CRYZ: variants seen among roughly 807,000 people sequenced by gnomAD.
The protein encoded by CRYZ is zeta-crystallin.
CRYZ carries 35 observed loss-of-function variants against 34.1 expected under a neutral mutation model. That is an observed-to-expected ratio of 1.03 (90% CI 0.78 to 1.36). The LOEUF (loss-of-function observed/expected upper bound fraction) is 1.36, where lower values mean the gene tolerates loss of function less well. Ranked by LOEUF, CRYZ falls within the 40% of genes most tolerant of loss-of-function variation. The pLI, the probability that CRYZ is intolerant of heterozygous loss-of-function variation, is 0.00. For missense variants in CRYZ, 403 were observed against 391.8 expected (o/e 1.03, Z -0.24); for synonymous variants, 137 against 136.5 (o/e 1.00, Z -0.03).
chr1:74,722,605 T>C (rs972577019), intron 3 of CRYZ, among the ~76,000 whole-genome samples: 57 of 150,336 alleles, frequency 3.8e-4, no homozygotes, highest in African/African-American at 1.4e-3. Flanking sequence ...TATATATATA[T>C]ATATGTGTGT....
intron 1 of CRYZ, among the ~76,000 whole-genome samples, 176 bp from the exon 2 acceptor site, chr1:74,725,010 A>G (rs1413049984): frequency 6.6e-6 from 1 of 152,190 alleles, no homozygotes; most frequent in Non-Finnish European, 1.5e-5. Flanking sequence ...CCTCAGCTAT[A>G]AAGCAGAATC....
At chr1:74,711,159 A>G (rs1569976643) in intron 5 of CRYZ, among the ~76,000 whole-genome samples, 1 of 152,304 alleles carries the variant, frequency 6.6e-6, no homozygotes, top group South Asian at 2.1e-4. Flanking sequence ...AAAGGGTCGA[A>G]GATGAGGCCA....
intron 6 of CRYZ, among the ~76,000 whole-genome samples, chr1:74,709,263 C>T (rs1646969881): frequency 1.3e-5 from 2 of 152,088 alleles, no homozygotes; most frequent in South Asian, 4.1e-4. Flanking sequence ...TAGATTATTG[C>T]TGAACAAAAA....
Position 74,706,213 on chromosome 1 carries a change from A to C in CRYZ, c.*83T>G. 8.6e-7 allele frequency: 1 copy of C among 1,165,588 alleles called. No individual in the cohort carries two copies. The highest frequency in any genetic ancestry group is 2.1e-5 in the South Asian group (1 of 47,048). The allele number at this position is 1,165,588 out of a possible 1,614,324, so 72.2% of individuals were successfully genotyped here. On this transcript the variant is annotated 3_prime_UTR_variant, in exon 9 of 9. Coordinates refer to ENST00000340866, the MANE Select transcript of CRYZ (RefSeq NM_001889.4). ...TAAGAAGCTCATGGAATCGAATGTT[A>C]ATTAAAGAAAAGATAGGGTAAGTAC...
chr1:74,728,422 T>C (rs1647501353), intron 1 of CRYZ, among the ~76,000 whole-genome samples: 1 of 152,254 alleles, frequency 6.6e-6, no homozygotes, highest in African/African-American at 2.4e-5. Context: ...AGGTTTTGAC[T>C]ATATCCCCAT....
intron 1 of CRYZ, among the ~76,000 whole-genome samples, chr1:74,730,638 C>T (rs1394406913): frequency 6.6e-6 from 1 of 152,104 alleles, no homozygotes; most frequent in Admixed American, 6.6e-5. Flanking sequence ...GATGAGAAAA[C>T]ATCACAAGAG....
intron 5 of CRYZ, among the ~76,000 whole-genome samples, chr1:74,713,947 A>G (rs1297349846): frequency 6.6e-6 from 1 of 152,070 alleles, no homozygotes; most frequent in Non-Finnish European, 1.5e-5. Context: ...AGTTTCTCGA[A>G]GAGGTTTCTG....
At chr1:74,717,087 T>C (rs1423573946) in intron 4 of CRYZ, among the ~76,000 whole-genome samples, 2 of 152,188 alleles carry the variant, frequency 1.3e-5, no homozygotes, top group Non-Finnish European at 2.9e-5. Flanking sequence ...CATAATTATA[T>C]CATCTTTACC....
intron 3 of CRYZ, among the ~76,000 whole-genome samples, chr1:74,720,370 C>T (rs940813017): frequency 6.6e-6 from 1 of 152,122 alleles, no homozygotes; most frequent in Non-Finnish European, 1.5e-5. Flanking sequence ...AAAGCCTCAA[C>T]AAATGTCTGC....
At position 74,706,037 on chromosome 1, in the gene CRYZ, G is replaced by T; in HGVS notation, c.*259C>A. 1 of 320,618 alleles carries T rather than the reference G, an allele frequency of 3.1e-6. No individual in the cohort carries two copies. The highest frequency in any genetic ancestry group is 5.7e-6 in the Non-Finnish European group (1 of 174,970). 19.9% of individuals were successfully genotyped at this position (320,618 alleles called of 1,614,324 possible). The stretch of plus-strand genomic sequence containing the variant: ...AATATCAATTAAGAATTACTGGAAT[G>T]CACACTCATGCCAAATGACAACTAA... On this transcript the variant is annotated 3_prime_UTR_variant, in exon 9 of 9. Transcript: ENST00000340866.
At position 74,710,212 on chromosome 1, in the gene CRYZ, A is replaced by G. The variant is rs1243189886; in HGVS notation, c.516T>C (p.Tyr172=). The G allele has an allele frequency of 1.9e-6, 3 of 1,613,736 alleles. No homozygotes were observed. In the African/African-American group the frequency reaches 4.0e-5, roughly 22 times the overall value. Residue 172 remains tyrosine, a synonymous_variant, in exon 6 of 9, where the codon TAT becomes TAC. Transcript: ENST00000340866. Reference sequence around the variant, plus strand: ...CAGCAGTGCCCAAAATCTTTAAGCCATAAGCTCTAGCAATTTGGCATGCTG... The same window carrying G: ...CAGCAGTGCCCAAAATCTTTAAGCCGTAAGCTCTAGCAATTTGGCATGCTG... ...GLAACQIARA[Y]GLKILGTAGT... is the part of the protein sequence containing the mutation.
intron 1 of CRYZ, among the ~76,000 whole-genome samples, chr1:74,725,684 A>C (rs1168920018): frequency 1.3e-5 from 2 of 152,144 alleles, no homozygotes; most frequent in Admixed American, 6.6e-5. Context: ...CAAAATCTTA[A>C]CTCATTTCAG....
chr1:74,708,609 G>A (rs537471146), intron 6 of CRYZ: 1 of 152,268 alleles, frequency 6.6e-6, no homozygotes, highest in South Asian at 2.1e-4. Flanking sequence ...AACTTGCTGG[G>A]TGGGAGGGAG....
In CRYZ at chr1:74,709,600, T is replaced by C. The variant is rs11804480; in HGVS notation, c.630+498A>G. 8.8e-3 allele frequency among the ~76,000 whole-genome samples: 1,337 copies of C among 152,338 alleles called. 17 individuals are homozygous for C. The highest frequency in any genetic ancestry group is 0.031 in the African/African-American group (1,279 of 41,580). On this transcript the variant is annotated intron_variant, in intron 6 of 8. Coordinates refer to ENST00000340866, the MANE Select transcript of CRYZ (RefSeq NM_001889.4). ...AGAACTTCAGAATCTGCTTGAATTCTGTTAAATGCAGCAACTAAATAAATG... is the reference window on the plus strand; with the variant it reads ...AGAACTTCAGAATCTGCTTGAATTCCGTTAAATGCAGCAACTAAATAAATG...
chr1:74,710,145 G>T lies in CRYZ; in HGVS notation c.583C>A (p.His195Asn). The stretch of plus-strand genomic sequence containing the variant: ...ACTTCTCTGTGATTGAACACTTCAT[G>T]GGCTCCATTTTGCAAAACAATCTTT... ...GQKIVLQNGAHEVFNHREVNY... is the reference protein window; with the variant it reads ...GQKIVLQNGANEVFNHREVNY... Residue 195 changes from histidine to asparagine, a missense_variant, in exon 6 of 9, where the codon CAT (histidine) becomes AAT (asparagine). By Grantham distance (68) the His-to-Asn change is moderately conservative. Transcript: ENST00000340866. The T allele has an allele frequency of 6.2e-7, 1 of 1,613,694 alleles. No individual in the cohort carries two copies. The highest frequency in any genetic ancestry group is 8.5e-7 in the Non-Finnish European group (1 of 1,179,760).
chr1:74,709,339 G>C (rs1646970807), intron 6 of CRYZ, among the ~76,000 whole-genome samples: 1 of 152,084 alleles, frequency 6.6e-6, no homozygotes. Context: ...GGTATCAGCA[G>C]TGCTAGATCT....
At chr1:74,712,047 C>T (rs147566361) in intron 5 of CRYZ, among the ~76,000 whole-genome samples, 54 of 152,034 alleles carry the variant, frequency 3.6e-4, no homozygotes, top group African/African-American at 9.4e-4. Flanking sequence ...TCCCAGCCTC[C>T]CAAAATGCTG....
chr1:74,732,959 A>G lies in CRYZ; in HGVS notation c.-17T>C. 1 of 441,084 alleles carries G rather than the reference A, an allele frequency of 2.3e-6. No individual in the cohort carries two copies. The highest frequency in any genetic ancestry group is 4.0e-6 in the Non-Finnish European group (1 of 247,266). The allele number at this position is 441,084 out of a possible 1,614,324, so 27.3% of individuals were successfully genotyped here. A position where few individuals can be genotyped will look rare whatever the true frequency, so the allele number is the denominator to read the frequency against. On this transcript the variant is annotated 5_prime_UTR_variant, in exon 1 of 9. Coordinates refer to ENST00000340866, the MANE Select transcript of CRYZ (RefSeq NM_001889.4). ...GAGAGTTTTTAAAACCACTTACCAG[A>G]ATCTAGAGTGGGAATTAAAATCTGC... is the stretch of plus-strand genomic sequence containing the variant.
chr1:74,711,471 C>T (rs896704896), intron 5 of CRYZ, among the ~76,000 whole-genome samples: 4 of 152,184 alleles, frequency 2.6e-5, no homozygotes, highest in Admixed American at 2.6e-4. Flanking sequence ...AATGGGACTT[C>T]CTCACAGATT....
Sources: allele counts gnomAD v4.1 joint callset (sites outside exome capture counted in the v4.1 genomes callset), GRCh38; gene constraint gnomAD v4.1.1; transcripts MANE v1.5; gene names NCBI Gene and HGNC (gene_info 2026-07-23, HGNC 2026-07-21).